The following GOLM1 variants were observed in gnomAD, a reference collection of about 807,000 sequenced individuals.
The protein encoded by GOLM1 is epididymis luminal protein 46.
In GOLM1, 31 loss-of-function variants were observed where a neutral mutation model predicts 50.5. The observed-to-expected ratio is 0.61, with a 90% CI of 0.46 to 0.83. The LOEUF is 0.83. Among genes scored for constraint, GOLM1 ranks in the 40% least tolerant of loss-of-function variants. The pLI, the probability that GOLM1 is intolerant of heterozygous loss-of-function variation, is 0.00. For missense variants in GOLM1, 491 were observed against 501.3 expected, an observed-to-expected ratio of 0.98 and a Z score of 0.20; for synonymous variants, 178 against 192.8, an observed-to-expected ratio of 0.92 and a Z score of 0.64.
intron 3 of GOLM1, among the ~76,000 whole-genome samples, chr9:86,071,552 G>C (rs1407353605): frequency 6.6e-6 from 1 of 151,948 alleles, no homozygotes; most frequent in African/African-American, 2.4e-5. Flanking sequence ...GGTGGTGCAG[G>C]TCTGTAATCC....
chr9:86,042,266 A>G (rs977313240), intron 5 of GOLM1, among the ~76,000 whole-genome samples: 2 of 152,236 alleles, frequency 1.3e-5, no homozygotes, highest in East Asian at 1.9e-4. Context: ...CGTTTTGCAA[A>G]TAAGAATACT....
intron 3 of GOLM1, among the ~76,000 whole-genome samples, chr9:86,054,436 C>A (rs538309010): frequency 5.3e-5 from 8 of 152,246 alleles, no homozygotes; most frequent in Admixed American, 2.6e-4. Flanking sequence ...GTTGGCCAGG[C>A]TGGTCTCAAA....
rs1834077914 is a variant in GOLM1 at position 86,059,134 on chromosome 9, T to C, written c.310-6543A>G. ...AAAATGCAATCCCTGTGAAAGTCTG[T>C]CAGTTTCTCAAAAAGTTCAACACAG... On this transcript the variant is annotated intron_variant, in intron 3 of 9. Coordinates refer to ENST00000388712, the MANE Select transcript of GOLM1 (RefSeq NM_016548.4). Among the ~76,000 whole-genome samples the C allele has an allele frequency of 2.0e-5, 3 of 152,200 alleles. No homozygotes were observed. In the South Asian group the frequency reaches 6.2e-4, roughly 32 times the overall value.
chr9:86,100,040 C>G (rs1835491004), upstream of GOLM1: 1 of 152,256 alleles, frequency 6.6e-6, no homozygotes, highest in Admixed American at 6.5e-5. Context: ...TGTCTTTTTT[C>G]TCCCACGAGG....
At chr9:86,039,225 A>G (rs1833249888) in intron 6 of GOLM1, among the ~76,000 whole-genome samples, 1 of 152,226 alleles carries the variant, frequency 6.6e-6, no homozygotes, top group East Asian at 1.9e-4. Flanking sequence ...TATCACAGTT[A>G]TTAGGGAAAT....
chr9:86,081,233 G>C (rs2118860591), intron 1 of GOLM1, among the ~76,000 whole-genome samples: 2 of 137,284 alleles, frequency 1.5e-5, no homozygotes, highest in African/African-American at 5.5e-5. Flanking sequence ...TTTCGCTCTT[G>C]TTTTCCAGGC....
Position 86,026,486 on chromosome 9 carries a change from C to T in GOLM1, c.*1331G>A. ...GGAGTCTGTGTGAGGCCAGGGGTGC[C>T]AGCGCACCAGCTAGATGCTCTGTAA... On this transcript the variant is annotated 3_prime_UTR_variant, in exon 10 of 10. Transcript: ENST00000388712. 1.1e-6 allele frequency: 1 copy of T among 910,024 alleles called. No individual in the cohort carries two copies. Among genetic ancestry groups the T allele is most frequent in the Non-Finnish European group, 1.3e-6 (1 of 761,310 alleles). The allele number at this position is 910,024 out of a possible 1,614,324, so 56.4% of individuals were successfully genotyped here.
At chr9:86,094,451 A>T (rs1304301930) in intron 1 of GOLM1, among the ~76,000 whole-genome samples, 1 of 152,224 alleles carries the variant, frequency 6.6e-6, no homozygotes, top group African/African-American at 2.4e-5. Flanking sequence ...CACTTCCCCA[A>T]AATGAACACC....
At chr9:86,088,345 T>C (rs577131205) in intron 1 of GOLM1, among the ~76,000 whole-genome samples, 2 of 149,448 alleles carry the variant, frequency 1.3e-5, no homozygotes, top group Admixed American at 1.3e-4. Flanking sequence ...TCTTTATTAG[T>C]CTGGCTAGCA....
intron 5 of GOLM1, among the ~76,000 whole-genome samples, chr9:86,041,108 A>AT (rs969673218): frequency 2.6e-5 from 4 of 151,782 alleles, no homozygotes; most frequent in African/African-American, 9.7e-5. Context: ...TAGGCAGAAA[A>AT]TTTTTTTTTA....
Position 86,027,163 on chromosome 9 carries a change from C to T in GOLM1, c.*654G>A, listed in dbSNP as rs964802821. ...GTTCAAATTCTAAGCCACTTAATAG[C>T]GTTTTGTACATTAAAAATGACAAGG... On this transcript the variant is annotated 3_prime_UTR_variant, in exon 10 of 10. Coordinates refer to ENST00000388712, the MANE Select transcript of GOLM1 (RefSeq NM_016548.4). 6.1e-6 allele frequency: 6 copies of T among 985,234 alleles called. No individual in the cohort carries two copies. Among genetic ancestry groups the T allele is most frequent in the African/African-American group, 5.2e-5 (3 of 57,216 alleles). 61.0% of individuals were successfully genotyped at this position (985,234 alleles called of 1,614,324 possible).
chr9:86,099,844 T>C (rs1835483060), upstream of GOLM1, among the ~76,000 whole-genome samples: 1 of 152,112 alleles, frequency 6.6e-6, no homozygotes, highest in Admixed American at 6.5e-5. Context: ...GGGAAGCGGC[T>C]GTGGGGAAAG....
intron 3 of GOLM1, among the ~76,000 whole-genome samples, chr9:86,070,224 A>T (rs1451395862): frequency 3.9e-5 from 6 of 152,284 alleles, no homozygotes; most frequent in Middle Eastern, 3.4e-3. Context: ...ACAAAACTGC[A>T]ACTGCTTTAG....
intron 1 of GOLM1, among the ~76,000 whole-genome samples, chr9:86,094,458 C>G (rs548358170): frequency 6.6e-6 from 1 of 152,328 alleles, no homozygotes; most frequent in African/African-American, 2.4e-5. Flanking sequence ...CCAAAATGAA[C>G]ACCATCTTTT....
chr9:86,054,809 G>A (rs1229845932), intron 3 of GOLM1, among the ~76,000 whole-genome samples: 2 of 152,184 alleles, frequency 1.3e-5, no homozygotes, highest in African/African-American at 4.8e-5. Context: ...ATATCAGAGT[G>A]CACTGCACAG....
rs570344367 is a variant in GOLM1, at chr9:86,026,523, C to T, written c.*1294G>A. 10 of 882,540 alleles carry T rather than the reference C, an allele frequency of 1.1e-5. No homozygotes were observed. The South Asian group carries it at 4.7e-4, about 41-fold the overall frequency. 54.7% of individuals were successfully genotyped at this position (882,540 alleles called of 1,614,324 possible). ...TAGATGCTCTGTAACTTCTAGGCCCCATTTTCCCCTCTGAAAATAAGAGGG... is the reference window on the plus strand; with the variant it reads ...TAGATGCTCTGTAACTTCTAGGCCCTATTTTCCCCTCTGAAAATAAGAGGG... On this transcript the variant is annotated 3_prime_UTR_variant, in exon 10 of 10. Coordinates refer to ENST00000388712, the MANE Select transcript of GOLM1 (RefSeq NM_016548.4).
intron 1 of GOLM1, among the ~76,000 whole-genome samples, chr9:86,086,424 CTGA>C (rs1336389934): frequency 1.3e-5 from 2 of 152,072 alleles, no homozygotes; most frequent in Admixed American, 1.3e-4. Context: ...CCTGTTCACT[CTGA>C]TGATAGCCTC....
At position 86,027,008 on chromosome 9, in the gene GOLM1, A is replaced by G. The variant is rs1832807139; in HGVS notation, c.*809T>C. 5.1e-6 allele frequency: 5 copies of G among 985,232 alleles called. No individual in the cohort carries two copies. In the Admixed American group the frequency reaches 3.1e-4, roughly 61 times the overall value. 61.0% of individuals were successfully genotyped at this position (985,232 alleles called of 1,614,324 possible). ...CTTGCCTCTCACCATGCTCTGCTCCAGGTCAGCCCCCTTTTGGCCTGTTTG... is the reference window on the plus strand; with the variant it reads ...CTTGCCTCTCACCATGCTCTGCTCCGGGTCAGCCCCCTTTTGGCCTGTTTG... On this transcript the variant is annotated 3_prime_UTR_variant, in exon 10 of 10. Transcript: ENST00000388712.
intron 3 of GOLM1, 44 bp downstream of exon 3, chr9:86,077,368 C>T (rs776130019): frequency 6.7e-7 from 1 of 1,492,380 alleles, no homozygotes; most frequent in South Asian, 1.1e-5. Context: ...AATGTAGACA[C>T]CATCCCTTAG....
Sources: allele counts gnomAD v4.1 joint callset (sites outside exome capture counted in the v4.1 genomes callset), GRCh38; gene constraint gnomAD v4.1.1; transcripts MANE v1.5; gene names NCBI Gene and HGNC (gene_info 2026-07-23, HGNC 2026-07-21).